Variants in ADAMTSL3 observed in about 807,000 individuals in gnomAD.
The protein encoded by ADAMTSL3 is ADAMTS-like protein 3.
Under a neutral mutation model 201.7 loss-of-function variants are expected in ADAMTSL3, and 128 were observed. The observed-to-expected ratio is 0.63, with a 90% CI of 0.55 to 0.73. The LOEUF is 0.73. Ranked by LOEUF, ADAMTSL3 falls within the 30% of genes least tolerant of loss-of-function variation. The pLI, the probability that ADAMTSL3 is intolerant of heterozygous loss-of-function variation, is 0.00. For missense variants in ADAMTSL3, 1,990 were observed against 2,119.6 expected (o/e 0.94, Z 1.20); for synonymous variants, 738 against 748.4 (o/e 0.99, Z 0.23).
chr15:83,659,754 A>C (rs1013866915), intron 2 of ADAMTSL3, among the ~76,000 whole-genome samples: 2 of 152,212 alleles, frequency 1.3e-5, no homozygotes, highest in African/African-American at 4.8e-5. Flanking sequence ...AACAGTCCTT[A>C]TAAGAGAGCC....
At chr15:84,033,395 T>C (rs980168000) in intron 28 of ADAMTSL3, among the ~76,000 whole-genome samples, 1 of 152,194 alleles carries the variant, frequency 6.6e-6, no homozygotes, top group Non-Finnish European at 1.5e-5. Flanking sequence ...GCATGGTGGC[T>C]CACACTTGTA....
intron 3 of ADAMTSL3, among the ~76,000 whole-genome samples, chr15:83,706,074 T>C (rs936120277): frequency 1.3e-5 from 2 of 152,122 alleles, no homozygotes; most frequent in Admixed American, 6.5e-5. Flanking sequence ...CTTGATGGAT[T>C]TTGAGAGGGT....
Position 83,847,302 on chromosome 15 carries a change from C to T in ADAMTSL3, c.727+9087C>T, listed in dbSNP as rs962366815. Among the ~76,000 whole-genome samples the T allele has an allele frequency of 4.6e-5, 7 of 152,268 alleles. 1 individual carries two copies. In the East Asian group the frequency reaches 1.2e-3, roughly 25 times the overall value. On this transcript the variant is annotated intron_variant, in intron 7 of 29. Transcript: ENST00000286744. ...CTGGCATACTGCATTTTTCTCACCC[C>T]CATTTGCAAAGTAGTGTATAGACAG...
chr15:83,888,587 C>T (rs572800550), intron 10 of ADAMTSL3, among the ~76,000 whole-genome samples: 9 of 152,132 alleles, frequency 5.9e-5, no homozygotes, highest in Non-Finnish European at 1.0e-4. Context: ...ATTAGTTCAT[C>T]GGTCTCTAAG....
intron 26 of ADAMTSL3, among the ~76,000 whole-genome samples, chr15:84,024,185 G>A (rs12050701): frequency 0.17 from 25,447 of 152,088 alleles, 2,396 homozygotes; most frequent in East Asian, 0.3. Context: ...GAACCCGGGA[G>A]GCAATGGTTG....
At chr15:83,930,974 C>T (rs2066344774) in intron 17 of ADAMTSL3, among the ~76,000 whole-genome samples, 1 of 152,186 alleles carries the variant, frequency 6.6e-6, no homozygotes, top group South Asian at 2.1e-4. Context: ...TCTTTATTTA[C>T]CCAAAGGCAA....
intron 3 of ADAMTSL3, among the ~76,000 whole-genome samples, chr15:83,757,282 C>T (rs1424120846): frequency 6.6e-6 from 1 of 152,256 alleles, no homozygotes; most frequent in Non-Finnish European, 1.5e-5. Context: ...TCCATACATC[C>T]TCTGAAATCT....
intron 23 of ADAMTSL3, among the ~76,000 whole-genome samples, chr15:83,996,556 C>T (rs994694019): frequency 7.2e-5 from 11 of 151,814 alleles, no homozygotes; most frequent in Non-Finnish European, 1.0e-4. Context: ...CCGAGGCAGG[C>T]AGATCATGAG....
At chr15:83,780,803 A>T (rs1391338775) in intron 4 of ADAMTSL3, among the ~76,000 whole-genome samples, 1 of 152,206 alleles carries the variant, frequency 6.6e-6, no homozygotes, top group Non-Finnish European at 1.5e-5. Flanking sequence ...TAACATTCTT[A>T]TACACCAACA....
chr15:83,807,541 G>A (rs760967364), intron 5 of ADAMTSL3, among the ~76,000 whole-genome samples: 1 of 152,166 alleles, frequency 6.6e-6, no homozygotes, highest in Non-Finnish European at 1.5e-5. Context: ...TTGTTAAAAT[G>A]TCCTTACTAT....
chr15:84,028,259 C>CA (rs2068345890), intron 27 of ADAMTSL3, among the ~76,000 whole-genome samples: 2 of 150,634 alleles, frequency 1.3e-5, no homozygotes, highest in Admixed American at 1.3e-4. Flanking sequence ...AGTGGTTAGC[C>CA]AAAAAAAGAA....
At chr15:83,742,539 A>G (rs533026321) in intron 3 of ADAMTSL3, among the ~76,000 whole-genome samples, 1 of 152,360 alleles carries the variant, frequency 6.6e-6, no homozygotes, top group South Asian at 2.1e-4. Context: ...TTTGGGAACA[A>G]CAGTAACAAA....
At chr15:83,780,933 A>G (rs1315495052) in intron 4 of ADAMTSL3, among the ~76,000 whole-genome samples, 1 of 152,226 alleles carries the variant, frequency 6.6e-6, no homozygotes, top group Non-Finnish European at 1.5e-5. Context: ...GATAACTACA[A>G]AACACCACTT....
intron 19 of ADAMTSL3, chr15:83,962,232 G>A (rs532731165): frequency 4.6e-5 from 7 of 152,274 alleles, no homozygotes; most frequent in Admixed American, 3.3e-4. Context: ...CTAGCCACGT[G>A]GAACTGAGTC....
chr15:83,885,531 T>C (rs968751868), intron 10 of ADAMTSL3, among the ~76,000 whole-genome samples: 1 of 152,162 alleles, frequency 6.6e-6, no homozygotes, highest in Non-Finnish European at 1.5e-5. Flanking sequence ...GTACGTATTA[T>C]TTTTAATTTT....
At chr15:83,783,236 G>A (rs1281370997) in intron 4 of ADAMTSL3, among the ~76,000 whole-genome samples, 2 of 151,678 alleles carry the variant, frequency 1.3e-5, no homozygotes, top group East Asian at 3.9e-4. Flanking sequence ...CAATTTCTAA[G>A]GTTACCATTA....
At chr15:84,025,184 CT>C in intron 26 of ADAMTSL3, 53 bp from the exon 27 acceptor site, 1 of 1,478,538 alleles carries the variant, frequency 6.8e-7, no homozygotes, top group Non-Finnish European at 9.1e-7. Flanking sequence ...GAGACGCCCC[CT>C]CTAAGATCTG....
At chr15:83,833,778 G>A (rs1413285747) in intron 6 of ADAMTSL3, among the ~76,000 whole-genome samples, 1 of 152,210 alleles carries the variant, frequency 6.6e-6, no homozygotes, top group Non-Finnish European at 1.5e-5. Context: ...GCCCCAGAGA[G>A]AAACTGCCCA....
rs1281731708 is a variant in ADAMTSL3, at chr15:83,823,893, C to CTTCTTCT, written c.600+3847_600+3848insTCTTCTT. 6.4e-5 allele frequency among the ~76,000 whole-genome samples: 6 copies of CTTCTTCT among 93,112 alleles called. 1 individual carries two copies. Among genetic ancestry groups the CTTCTTCT allele is most frequent in the Admixed American group, 1.2e-4 (1 of 8,126 alleles). The allele number at this position is 93,112 out of a possible 152,430, so 61.1% of individuals were successfully genotyped here. A position where few individuals can be genotyped will look rare whatever the true frequency, so the allele number is the denominator to read the frequency against. On this transcript the variant is annotated intron_variant, in intron 6 of 29. Coordinates refer to ENST00000286744, the MANE Select transcript of ADAMTSL3 (RefSeq NM_207517.3). ...AGACTCCATTTCCTTCTTCTTCTTCCTCTTCTTCTTCTTCTTCTTCTTCTT... is the reference window on the plus strand; with the variant it reads ...AGACTCCATTTCCTTCTTCTTCTTCCTTCTTCTTCTTCTTCTTCTTCTTCTTCTTCTT...
Sources: gnomAD v4.1 joint callset for allele counts (sites outside exome capture counted in the v4.1 genomes callset) on GRCh38, gnomAD v4.1.1 for gene constraint, MANE v1.5 for transcripts, NCBI Gene and HGNC (gene_info 2026-07-23, HGNC 2026-07-21) for gene names.